Variants in NFILZ observed in about 807,000 individuals in gnomAD.
NFILZ encodes NFIL3 like protein.
chr19:8,647,954 C>G (rs2918317), intron 3 of NFILZ, among the ~76,000 whole-genome samples: 13,871 of 151,390 alleles, frequency 0.092, 1,037 homozygotes, highest in East Asian at 0.43. Flanking sequence ...GGGTGGATCA[C>G]GAGATCAGGA....
intron 3 of NFILZ, among the ~76,000 whole-genome samples, chr19:8,670,602 G>A (rs79106014): frequency 1.3e-5 from 2 of 152,316 alleles, no homozygotes; most frequent in South Asian, 4.1e-4. Context: ...CCAAAGGGGT[G>A]GATGCCGGAG....
At chr19:8,640,046 C>T (rs781989507) in intron 3 of NFILZ, among the ~76,000 whole-genome samples, 13 of 152,162 alleles carry the variant, frequency 8.5e-5, no homozygotes, top group East Asian at 1.9e-4. Flanking sequence ...CTCTCTCCCA[C>T]GACCTGTGGG....
At position 8,679,648 on chromosome 19, in the gene NFILZ, A is replaced by C. The variant is rs2918308; in HGVS notation, c.*2013A>C. On this transcript the variant is annotated 3_prime_UTR_variant, in exon 6 of 6. Coordinates refer to ENST00000691075, the MANE Select transcript of NFILZ (RefSeq NM_001378600.1). ...TAGAATCCTGCACATCACAGGTAGG[A>C]CCTCCTCTACTTGCTCAGCCTTTGG... is the stretch of plus-strand genomic sequence containing the variant. 0.19 allele frequency among the ~76,000 whole-genome samples: 28,856 copies of C among 151,818 alleles called. 2,931 individuals carry two copies. Among genetic ancestry groups the C allele is most frequent in the Admixed American group, 0.24 (3,631 of 15,264 alleles).
chr19:8,666,100 T>G (rs1054066960), intron 3 of NFILZ, among the ~76,000 whole-genome samples: 1 of 152,084 alleles, frequency 6.6e-6, no homozygotes, highest in Non-Finnish European at 1.5e-5. Context: ...CTGAGTCTTC[T>G]GGTAACTGTA....
intron 3 of NFILZ, among the ~76,000 whole-genome samples, chr19:8,647,767 A>G (rs1301514119): frequency 1.4e-5 from 2 of 139,210 alleles, no homozygotes; most frequent in Non-Finnish European, 3.0e-5. Flanking sequence ...ACACACACAC[A>G]CACGCACACA....
intron 3 of NFILZ, among the ~76,000 whole-genome samples, chr19:8,650,629 G>C (rs1555747617): frequency 6.8e-6 from 1 of 147,664 alleles, no homozygotes; most frequent in East Asian, 2.0e-4. Context: ...ACTCCAGCCT[G>C]CAAGATGGAG....
chr19:8,637,912 C>CAAAAAAA (rs35778716), intron 3 of NFILZ, among the ~76,000 whole-genome samples: 11,616 of 20,136 alleles, frequency 0.58, 4,198 homozygotes, highest in Middle Eastern at 0.79. Flanking sequence ...AAGATGGTCT[C>CAAAAAAA]AAAAAAAAAA....
chr19:8,637,930 A>AAAAAAAAAAAAAAAG (rs1421127557), intron 3 of NFILZ, among the ~76,000 whole-genome samples: 1 of 149,324 alleles, frequency 6.7e-6, no homozygotes, highest in African/African-American at 2.5e-5. Context: ...AAAAAAAAAA[A>AAAAAAAAAAAAAAAG]AAAAGAAAAG....
chr19:8,653,822 G>A (rs1387767356), intron 3 of NFILZ, among the ~76,000 whole-genome samples: 1 of 152,198 alleles, frequency 6.6e-6, no homozygotes, highest in East Asian at 1.9e-4. Flanking sequence ...CTTGGGGTGG[G>A]AAAGGTTGGG....
At position 8,679,453 on chromosome 19, in the gene NFILZ, C is replaced by T. The variant is rs1172496109; in HGVS notation, c.*1818C>T. ...CTGGATCACTTGGACTCAGGAGCAT[C>T]GCCCACCCCCACCAGATCTGGGGGC... On this transcript the variant is annotated 3_prime_UTR_variant, in exon 6 of 6. Coordinates refer to ENST00000691075, the MANE Select transcript of NFILZ (RefSeq NM_001378600.1). 2.6e-5 allele frequency among the ~76,000 whole-genome samples: 4 copies of T among 151,774 alleles called. No individual in the cohort carries two copies. The highest frequency in any genetic ancestry group is 5.9e-5 in the Non-Finnish European group (4 of 68,004).
intron 3 of NFILZ, among the ~76,000 whole-genome samples, chr19:8,664,005 G>A (rs1274784883): frequency 6.6e-6 from 1 of 152,052 alleles, no homozygotes; most frequent in African/African-American, 2.4e-5. Context: ...GAACCTGAGG[G>A]GCCCGTTGGG....
In NFILZ at chr19:8,679,891, C is replaced by A. The variant is rs1306236368; in HGVS notation, c.*2256C>A. The stretch of plus-strand genomic sequence containing the variant: ...TAGGGGCTTCTCTGGACTGTTTTAT[C>A]TTCATAAATAATGTGAATCCTGGAG... On this transcript the variant is annotated 3_prime_UTR_variant, in exon 6 of 6. Coordinates refer to ENST00000691075, the MANE Select transcript of NFILZ (RefSeq NM_001378600.1). 6.6e-6 allele frequency among the ~76,000 whole-genome samples: 1 copy of A among 152,112 alleles called. No individual in the cohort carries two copies. Among genetic ancestry groups the A allele is most frequent in the Non-Finnish European group, 1.5e-5 (1 of 68,010 alleles).
At chr19:8,645,904 G>T (rs782406476) in intron 3 of NFILZ, among the ~76,000 whole-genome samples, 1 of 152,164 alleles carries the variant, frequency 6.6e-6, no homozygotes, top group African/African-American at 2.4e-5. Context: ...AAACGAAGAT[G>T]ATATTAGGTT....
chr19:8,647,785 G>T (rs1389168925), intron 3 of NFILZ, among the ~76,000 whole-genome samples: 1 of 52,776 alleles, frequency 1.9e-5, no homozygotes, highest in Non-Finnish European at 4.0e-5. Flanking sequence ...ACATGCGCGC[G>T]CGCGCGCGCG....
intron 3 of NFILZ, among the ~76,000 whole-genome samples, chr19:8,670,506 GTGAA>G (rs782423127): frequency 6.6e-6 from 1 of 152,224 alleles, no homozygotes; most frequent in Non-Finnish European, 1.5e-5. Context: ...ATGTGAGTGA[GTGAA>G]TGAATGAATG....
intron 3 of NFILZ, among the ~76,000 whole-genome samples, chr19:8,668,612 T>A (rs1445102117): frequency 6.6e-6 from 1 of 152,196 alleles, no homozygotes; most frequent in Non-Finnish European, 1.5e-5. Flanking sequence ...ACAGATTCAT[T>A]ATCTTCTTTA....
At chr19:8,634,902 CA>C (rs869218033) in intron 2 of NFILZ, among the ~76,000 whole-genome samples, 1 of 74,840 alleles carries the variant, frequency 1.3e-5, no homozygotes, top group African/African-American at 4.5e-5. Context: ...AACAAACAAA[CA>C]AAAAAACAAA....
rs1423661568 is a variant in NFILZ at position 8,679,251 on chromosome 19, C to T, written c.*1616C>T. ...ATCAAGGCTCCCTCCTCCTCAGTTTCTCACTCAGCCCCTCTCCCATTATTA... is the reference window on the plus strand; with the variant it reads ...ATCAAGGCTCCCTCCTCCTCAGTTTTTCACTCAGCCCCTCTCCCATTATTA... On this transcript the variant is annotated 3_prime_UTR_variant, in exon 6 of 6. Transcript: ENST00000691075. Among the ~76,000 whole-genome samples, 1 of 149,304 alleles carries T rather than the reference C, an allele frequency of 6.7e-6. No homozygotes were observed. Among genetic ancestry groups the T allele is most frequent in the Non-Finnish European group, 1.5e-5 (1 of 67,758 alleles).
At chr19:8,638,635 T>C (rs148801354) in intron 3 of NFILZ, 1 of 151,810 alleles carries the variant, frequency 6.6e-6, no homozygotes, top group East Asian at 1.9e-4. Flanking sequence ...GAAATAAAGA[T>C]GAAGAGTTGG....
Sources: allele counts gnomAD v4.1 joint callset (sites outside exome capture counted in the v4.1 genomes callset), GRCh38; gene constraint gnomAD v4.1.1; transcripts MANE v1.5; gene names NCBI Gene and HGNC (gene_info 2026-07-23, HGNC 2026-07-21).